PRMT7: variants seen among roughly 807,000 people sequenced by gnomAD.
The protein encoded by PRMT7 is protein arginine methyltransferase 7, also known as protein arginine N-methyltransferase 7.
A neutral mutation model predicts 85.4 loss-of-function variants in PRMT7; 75 were observed. That is an observed-to-expected ratio of 0.88 (90% CI 0.73 to 1.06). The LOEUF (loss-of-function observed/expected upper bound fraction) is 1.06. PRMT7 is among the 50% of genes least tolerant of loss of function. The pLI is 0.00. For synonymous variants in PRMT7, 397 were observed against 359.5 expected, an observed-to-expected ratio of 1.10 and a Z score of -1.18; for missense variants, 868 against 915.2, an observed-to-expected ratio of 0.95 and a Z score of 0.67.
At chr16:68,341,896 T>C (rs1375817795) in intron 9 of PRMT7, among the ~76,000 whole-genome samples, 4 of 152,254 alleles carry the variant, frequency 2.6e-5, no homozygotes, top group Admixed American at 2.6e-4. Context: ...GGCTTCACCT[T>C]AGCAGAATTC....
chr16:68,319,631 C>G (rs1315327506), intron 3 of PRMT7, among the ~76,000 whole-genome samples: 2 of 151,182 alleles, frequency 1.3e-5, no homozygotes, highest in Non-Finnish European at 2.9e-5. Context: ...CAGTGCACCG[C>G]TCTTCAAAGT....
At chr16:68,359,278 C>A (rs1597567749), downstream of PRMT7, 1 of 152,548 alleles carries the variant, frequency 6.6e-6, no homozygotes. Flanking sequence ...TGGGGGCCTC[C>A]ACATCATGAA....
At chr16:68,337,676 G>A (rs2151704375) in intron 7 of PRMT7, 105 bp downstream of exon 7, 1 of 590,186 alleles carries the variant, frequency 1.7e-6, no homozygotes, top group East Asian at 3.2e-5. Flanking sequence ...CAGCACCTCT[G>A]ATACACCTGG....
chr16:68,353,052 C>G (rs533766607), intron 15 of PRMT7, among the ~76,000 whole-genome samples: 3 of 152,106 alleles, frequency 2.0e-5, no homozygotes, highest in Non-Finnish European at 2.9e-5. Context: ...ACGATCCATG[C>G]GTGCGTGTGA....
At chr16:68,353,927 C>T (rs1336747221) in intron 16 of PRMT7, among the ~76,000 whole-genome samples, 4 of 152,170 alleles carry the variant, frequency 2.6e-5, no homozygotes, top group East Asian at 3.8e-4. Context: ...AGGAGATTCC[C>T]ACAGGTTATT....
At chr16:68,329,466 C>T in intron 6 of PRMT7, 1 of 234,788 alleles carries the variant, frequency 4.3e-6, no homozygotes, top group Non-Finnish European at 8.5e-6. Context: ...TCTTGAGTTT[C>T]AACTACCAAT....
At chr16:68,315,371 T>A (rs2044587403) in intron 2 of PRMT7, 1 of 153,814 alleles carries the variant, frequency 6.5e-6, no homozygotes, top group African/African-American at 2.4e-5. Flanking sequence ...TTGTGTGATT[T>A]GCTGTTTTTG....
intron 4 of PRMT7, among the ~76,000 whole-genome samples, chr16:68,322,860 G>A (rs1285785879): frequency 2.6e-5 from 4 of 151,988 alleles, no homozygotes; most frequent in South Asian, 4.2e-4. Flanking sequence ...GTGAAACCCC[G>A]TCCCTACTAA....
At chr16:68,311,982 A>G (rs1057077961) in intron 1 of PRMT7, 60 bp from the exon 2 acceptor site, 4 of 151,988 alleles carry the variant, frequency 2.6e-5, no homozygotes, top group African/African-American at 9.7e-5. Context: ...AGTCCCTAAT[A>G]TAGTGCCTGG....
chr16:68,330,563 CTGAA>C (rs1260953999), intron 6 of PRMT7, among the ~76,000 whole-genome samples: 1 of 151,948 alleles, frequency 6.6e-6, no homozygotes, highest in Non-Finnish European at 1.5e-5. Context: ...AATGGAGAAT[CTGAA>C]ACATGTACAA....
intron 6 of PRMT7, among the ~76,000 whole-genome samples, chr16:68,333,159 AT>A (rs1368019634): frequency 6.6e-6 from 1 of 151,806 alleles, no homozygotes; most frequent in Admixed American, 6.6e-5. Flanking sequence ...TACCCAACTA[AT>A]TTTTTTGTTT....
chr16:68,341,948 T>G (rs937146372), intron 9 of PRMT7, among the ~76,000 whole-genome samples: 4 of 152,160 alleles, frequency 2.6e-5, no homozygotes, highest in Non-Finnish European at 2.9e-5. Context: ...TTTCATTCAG[T>G]TTAAGTTTAA....
At chr16:68,331,306 G>A (rs2083860240) in intron 6 of PRMT7, among the ~76,000 whole-genome samples, 2 of 151,986 alleles carry the variant, frequency 1.3e-5, no homozygotes. Context: ...TTACTGAGCA[G>A]CACTCTATTA....
chr16:68,347,408 G>A, intron 12 of PRMT7, 114 bp downstream of exon 12: 3 of 1,170,986 alleles, frequency 2.6e-6, no homozygotes, highest in Non-Finnish European at 3.6e-6. Flanking sequence ...ACTGTTGTGG[G>A]CACAGCATGC....
intron 2 of PRMT7, chr16:68,315,047 C>G (rs2044515688): frequency 6.6e-6 from 1 of 150,628 alleles, no homozygotes; most frequent in African/African-American, 2.5e-5. Flanking sequence ...GAGGCTGAGG[C>G]AGGAAGAATG....
chr16:68,331,655 G>A (rs750053032), intron 6 of PRMT7, among the ~76,000 whole-genome samples: 2 of 151,266 alleles, frequency 1.3e-5, no homozygotes, highest in African/African-American at 4.9e-5. Context: ...ATTTTTTTTT[G>A]TAGAGATGGG....
At chr16:68,319,702 A>G (rs1174851495) in intron 3 of PRMT7, among the ~76,000 whole-genome samples, 1 of 59,290 alleles carries the variant, frequency 1.7e-5, no homozygotes, top group Non-Finnish European at 3.2e-5. Flanking sequence ...CCTTCTCAAT[A>G]AGAGTGAGAG....
Position 68,339,531 on chromosome 16 carries a change from T to C in PRMT7, c.714T>C (p.Phe238=). Residue 238 remains phenylalanine, a synonymous_variant, in exon 8 of 19, where the codon TTT becomes TTC. Transcript: ENST00000441236. ...IQLNQVSPAD[F]TVLSDVLPMF... ...TGAACCAGGTGTCACCAGCCGACTT[T>C]ACAGTCCTCAGCGATGTGCTGCCCA... The C allele has an allele frequency of 1.2e-6, 2 of 1,614,128 alleles. No individual in the cohort carries two copies. Among genetic ancestry groups the C allele is most frequent in the South Asian group, 1.1e-5 (1 of 91,090 alleles).
In PRMT7 at chr16:68,329,156, G is replaced by A. The variant is rs1360602850; in HGVS notation, c.373G>A (p.Glu125Lys). Residue 125 changes from glutamate to lysine, a missense_variant, in exon 6 of 19, where the codon GAG becomes AAG. Transcript: ENST00000441236. Reference sequence around the variant, plus strand: ...TAAGGTTATCAACAAGCATTCCACCGAGGTGACTGTAGGTCCAGGTGAGAT... The same window carrying A: ...TAAGGTTATCAACAAGCATTCCACCAAGGTGACTGTAGGTCCAGGTGAGAT... Reference protein sequence around the residue: ...KIKVINKHSTEVTVGPEGDMP... With the variant: ...KIKVINKHSTKVTVGPEGDMP... The A allele has an allele frequency of 4.4e-6, 7 of 1,601,080 alleles. No homozygotes were observed. In the African/African-American group the frequency reaches 8.0e-5, roughly 18 times the overall value.
Sources: allele counts gnomAD v4.1 joint callset (sites outside exome capture counted in the v4.1 genomes callset), GRCh38; gene constraint gnomAD v4.1.1; transcripts MANE v1.5; gene names NCBI Gene and HGNC (gene_info 2026-07-23, HGNC 2026-07-21).